The following PDZD2 variants were observed in gnomAD, a reference collection of about 807,000 sequenced individuals.
PDZD2 encodes PDZ domain containing 2.
In PDZD2, 90 loss-of-function variants were observed where a neutral mutation model predicts 220.7. The ratio of observed to expected loss-of-function variants is 0.41; its 90% CI spans 0.34 to 0.49. The LOEUF (loss-of-function observed/expected upper bound fraction) is 0.49, where lower values mean the gene tolerates loss of function less well. Ranked by LOEUF, PDZD2 falls within the 20% of genes least tolerant of loss-of-function variation. PDZD2 has a pLI of 0.28. For synonymous variants in PDZD2, 1,375 were observed against 1,450.5 expected (o/e 0.95, Z 1.18); for missense variants, 3,174 against 3,608.5 (o/e 0.88, Z 3.08).
intron 14 of PDZD2, among the ~76,000 whole-genome samples, chr5:32,067,113 T>C (rs892742531): frequency 1.3e-5 from 2 of 152,236 alleles, no homozygotes; most frequent in African/African-American, 2.4e-5. Context: ...ACTGAATGTA[T>C]GTGCTTGCTT....
chr5:31,898,188 C>T (rs549179399), intron 2 of PDZD2, among the ~76,000 whole-genome samples: 208 of 152,360 alleles, frequency 1.4e-3, no homozygotes, highest in African/African-American at 5.0e-3. Context: ...GGATCCAGAG[C>T]TGGCTTGCTT....
chr5:31,844,141 G>A (rs1757468692), intron 2 of PDZD2, among the ~76,000 whole-genome samples: 1 of 152,138 alleles, frequency 6.6e-6, no homozygotes, highest in Non-Finnish European at 1.5e-5. Flanking sequence ...TCATTGACTT[G>A]TAAAGAGGAG....
chr5:31,798,557 C>A lies in PDZD2; in HGVS notation c.-360-332C>A, dbSNP rs35628358. 6.0e-3 allele frequency among the ~76,000 whole-genome samples: 914 copies of A among 152,210 alleles called. 8 individuals carry two copies. Among genetic ancestry groups the A allele is most frequent in the Admixed American group, 9.5e-3 (145 of 15,298 alleles). ...ATATGCAGATCCTTCCACAGCCTTC[C>A]ACAGGGTCTTGTCACACAGCCTCCT... On this transcript the variant is annotated intron_variant, in intron 1 of 24. Coordinates refer to ENST00000438447, the MANE Select transcript of PDZD2 (RefSeq NM_178140.4).
chr5:32,076,288 G>GAAAA (rs67898034), intron 18 of PDZD2, among the ~76,000 whole-genome samples: 1,465 of 84,924 alleles, frequency 0.017, no homozygotes, highest in Non-Finnish European at 0.02. Flanking sequence ...TCGGTCTCAA[G>GAAAA]AAAAAAAAAA....
At chr5:31,739,326 A>T (rs1350353698) in intron 1 of PDZD2, among the ~76,000 whole-genome samples, 1 of 152,218 alleles carries the variant, frequency 6.6e-6, no homozygotes, top group Non-Finnish European at 1.5e-5. Flanking sequence ...CTAATAGGAA[A>T]TAAAGACAAT....
At chr5:32,061,370 T>G (rs922865525) in intron 14 of PDZD2, among the ~76,000 whole-genome samples, 2 of 152,212 alleles carry the variant, frequency 1.3e-5, no homozygotes, top group African/African-American at 4.8e-5. Context: ...GAGGTAAGAA[T>G]GCTGTGTTCT....
chr5:31,939,310 C>T (rs1212437358), intron 2 of PDZD2, among the ~76,000 whole-genome samples: 2 of 152,186 alleles, frequency 1.3e-5, no homozygotes, highest in Admixed American at 6.5e-5. Flanking sequence ...ATTTCAGACA[C>T]AGTCAGAAAC....
intron 2 of PDZD2, among the ~76,000 whole-genome samples, chr5:31,862,101 GTTT>G (rs11417935): frequency 7.6e-5 from 6 of 78,494 alleles, no homozygotes; most frequent in East Asian, 3.9e-4. Flanking sequence ...TTTTTTTTGG[GTTT>G]TTTTTTTTTT....
At chr5:31,859,140 A>C (rs1207989187) in intron 2 of PDZD2, among the ~76,000 whole-genome samples, 2 of 151,934 alleles carry the variant, frequency 1.3e-5, no homozygotes, top group African/African-American at 4.8e-5. Context: ...ATCCCCAACC[A>C]ATCAGCAGCA....
intron 2 of PDZD2, among the ~76,000 whole-genome samples, chr5:31,938,677 T>A (rs1484268069): frequency 1.3e-5 from 2 of 152,134 alleles, no homozygotes; most frequent in African/African-American, 4.8e-5. Flanking sequence ...AAAAAGATGT[T>A]TTTTGCAATT....
chr5:31,683,951 T>G (rs574255681), intron 1 of PDZD2, among the ~76,000 whole-genome samples: 2 of 152,070 alleles, frequency 1.3e-5, no homozygotes, highest in African/African-American at 4.8e-5. Flanking sequence ...GAGAGCCATT[T>G]GCCACATAGA....
At chr5:31,767,787 C>T (rs529198387) in intron 1 of PDZD2, among the ~76,000 whole-genome samples, 3 of 152,358 alleles carry the variant, frequency 2.0e-5, no homozygotes, top group South Asian at 2.1e-4. Context: ...AACAAGGTTC[C>T]TGGCCTGTCC....
At chr5:31,792,695 G>A (rs765468939) in intron 1 of PDZD2, among the ~76,000 whole-genome samples, 3 of 151,944 alleles carry the variant, frequency 2.0e-5, no homozygotes, top group Non-Finnish European at 2.9e-5. Flanking sequence ...TGGGATTACA[G>A]GCATGAGCCA....
intron 7 of PDZD2, among the ~76,000 whole-genome samples, chr5:32,039,918 AG>A: frequency 1.5e-5 from 2 of 133,374 alleles, no homozygotes; most frequent in Non-Finnish European, 1.6e-5. Flanking sequence ...CCCATCTGGG[AG>A]GAAGTGAGGA....
At chr5:31,660,303 G>T (rs1745709788) in intron 1 of PDZD2, among the ~76,000 whole-genome samples, 1 of 151,978 alleles carries the variant, frequency 6.6e-6, no homozygotes, top group Non-Finnish European at 1.5e-5. Flanking sequence ...CATTTCTATG[G>T]ATACTTTATT....
chr5:32,057,949 G>A lies in PDZD2; in HGVS notation c.2046G>A (p.Ser682=), dbSNP rs748636849. The change falls in exon 12 of 25, where the codon TCG becomes TCA. Residue 682 remains serine, a synonymous_variant. Transcript: ENST00000438447. ...KLVSPSLTPC[S]TPTHMSRSAS... ...TGAGCCCCAGCCTCACACCCTGCTC[G>A]ACACCCACACACATGAGCAGATCCG... 1.1e-5 allele frequency: 17 copies of A among 1,613,620 alleles called. No individual in the cohort carries two copies. Among genetic ancestry groups the A allele is most frequent in the East Asian group, 4.5e-5 (2 of 44,880 alleles).
chr5:32,014,865 T>C (rs1280756362), intron 6 of PDZD2, among the ~76,000 whole-genome samples: 1 of 150,962 alleles, frequency 6.6e-6, no homozygotes, highest in Non-Finnish European at 1.5e-5. Context: ...TGTGCCACCA[T>C]GCCCACCTAA....
intron 2 of PDZD2, among the ~76,000 whole-genome samples, chr5:31,926,321 G>A (rs545580816): frequency 1.8e-4 from 28 of 151,884 alleles, no homozygotes; most frequent in African/African-American, 6.8e-4. Flanking sequence ...CTGAGGTCAG[G>A]AGTTCGAGAC....
intron 2 of PDZD2, among the ~76,000 whole-genome samples, chr5:31,963,373 A>G (rs1581169126): frequency 6.6e-6 from 1 of 152,256 alleles, no homozygotes; most frequent in African/African-American, 2.4e-5. Context: ...CTTTTGCCCA[A>G]ATATTTGTGA....
Sources: allele counts gnomAD v4.1 joint callset (sites outside exome capture counted in the v4.1 genomes callset), GRCh38; gene constraint gnomAD v4.1.1; transcripts MANE v1.5; gene names NCBI Gene and HGNC (gene_info 2026-07-23, HGNC 2026-07-21).